DNAAF1: variants seen among roughly 807,000 people sequenced by gnomAD.
DNAAF1 encodes dynein assembly factor 1, axonemal.
Under a neutral mutation model 71.1 loss-of-function variants are expected in DNAAF1, and 65 were observed. That is an observed-to-expected ratio of 0.91 (90% CI 0.75 to 1.12). The LOEUF is 1.12. Among genes scored for constraint, DNAAF1 ranks in the 50% most tolerant of loss-of-function variants. The pLI, the probability that DNAAF1 is intolerant of heterozygous loss-of-function variation, is 0.00. For synonymous variants in DNAAF1, 414 were observed against 354.6 expected (o/e 1.17, Z -1.88); for missense variants, 1,178 against 899.8 (o/e 1.31, Z -3.96).
chr16:84,155,492 A>G, intron 4 of DNAAF1, 91 bp from the exon 5 acceptor site: 1 of 1,427,224 alleles, frequency 7.0e-7, no homozygotes, highest in Non-Finnish European at 9.8e-7. Context: ...AGCCTTCCAA[A>G]GTGCTGGGAT....
In DNAAF1 at chr16:84,150,616, CTTTTTTTTT is replaced by C. The variant is rs754336069; in HGVS notation, c.352+283_352+291del. Reference sequence around the variant, plus strand: ...TAAGGAATTTTTTTTTCTTTTCTTTCTTTTTTTTTTTTTTTTTGAGATGGTGTCTTGCTC... The same window carrying C: ...TAAGGAATTTTTTTTTCTTTTCTTTCTTTTTTTTGAGATGGTGTCTTGCTC... On this transcript the variant is annotated intron_variant, in intron 3 of 11. Transcript: ENST00000378553. Among the ~76,000 whole-genome samples the C allele has an allele frequency of 3.1e-4, 40 of 130,354 alleles. No homozygotes were observed. In the East Asian group the frequency reaches 8.2e-3, roughly 27 times the overall value. The allele number at this position is 130,354 out of a possible 152,430, so 85.5% of individuals were successfully genotyped here.
chr16:84,172,625 G>A (rs1489848770), intron 9 of DNAAF1: 11 of 1,334,634 alleles, frequency 8.2e-6, no homozygotes, highest in Non-Finnish European at 1.1e-5. Flanking sequence ...GGGGAGCCCT[G>A]ACCCAAATCG....
In DNAAF1 at chr16:84,154,729, C is replaced by T. The variant is rs780304786; in HGVS notation, c.505C>T (p.Leu169=). Reference sequence around the variant, plus strand: ...GAACTTGCTCCGTAAAATTGAGAACCTGGAACCTCTGCAGAAACTGGATGC... The same window carrying T: ...GAACTTGCTCCGTAAAATTGAGAACTTGGAACCTCTGCAGAAACTGGATGC... ...QMNLLRKIEN[L]EPLQKLDALN... The change falls in exon 4 of 12, where the codon CTG becomes TTG. Residue 169 remains leucine (L), a synonymous_variant. Transcript: ENST00000378553. 4.3e-6 allele frequency: 7 copies of T among 1,614,124 alleles called. No homozygotes were observed. The highest frequency in any genetic ancestry group is 5.9e-6 in the Non-Finnish European group (7 of 1,180,012).
chr16:84,168,720 G>C (rs2088154536), intron 7 of DNAAF1, among the ~76,000 whole-genome samples: 1 of 151,988 alleles, frequency 6.6e-6, no homozygotes, highest in Admixed American at 6.6e-5. Context: ...GTTTTGAAAT[G>C]TTAAAAATTT....
chr16:84,171,172 A>G (rs2088319963), intron 8 of DNAAF1, among the ~76,000 whole-genome samples: 1 of 152,138 alleles, frequency 6.6e-6, no homozygotes, highest in Non-Finnish European at 1.5e-5. Context: ...GAGGTGGCTC[A>G]CACATGTAAT....
At chr16:84,166,058 TTTTTTTA>T (rs2087967493) in intron 7 of DNAAF1, 109 bp downstream of exon 7, 3 of 904,208 alleles carry the variant, frequency 3.3e-6, no homozygotes, top group East Asian at 3.4e-5. Flanking sequence ...TTTTTTTTTT[TTTTTTTA>T]GACAGAGTCT....
intron 9 of DNAAF1, chr16:84,172,951 A>T (rs1814292737): frequency 9.9e-7 from 1 of 1,007,020 alleles, no homozygotes; most frequent in Non-Finnish European, 1.2e-6. Flanking sequence ...GACAGTCTCA[A>T]ATGCTTAGGC....
intron 3 of DNAAF1, among the ~76,000 whole-genome samples, chr16:84,153,485 G>A (rs1369337809): frequency 6.6e-6 from 1 of 152,164 alleles, no homozygotes; most frequent in East Asian, 1.9e-4. Flanking sequence ...GTGTTTAAGT[G>A]TATTCTATAA....
Position 84,149,076 on chromosome 16 carries a change from G to A in DNAAF1, c.194G>A (p.Ser65Asn). ...TCCTACCACAGCCAGCAGAAACAGAGTGGTGATAATGGGTCAGGTGGTCAC... is the reference window on the plus strand; with the variant it reads ...TCCTACCACAGCCAGCAGAAACAGAATGGTGATAATGGGTCAGGTGGTCAC... ...DTSYHSQQKQ[S>N]GDNGSGGHFA... The change falls in exon 2 of 12, where the codon AGT (serine) becomes AAT (asparagine). Residue 65 changes from serine to asparagine, a missense_variant. Transcript: ENST00000378553. The A allele has an allele frequency of 1.2e-6, 2 of 1,614,174 alleles. No homozygotes were observed. The highest frequency in any genetic ancestry group is 8.5e-7 in the Non-Finnish European group (1 of 1,180,048).
chr16:84,148,594 C>CTTTTTTTTTTTTTTTTTTTTTTTTT (rs2087025255), intron 1 of DNAAF1, among the ~76,000 whole-genome samples: 4 of 30,060 alleles, frequency 1.3e-4, no homozygotes, highest in African/African-American at 2.2e-4. Context: ...CTCTCTCTCT[C>CTTTTTTTTTTTTTTTTTTTTTTTTT]TCTTTTTTTT....
At chr16:84,159,387 G>GA (rs1224077016) in intron 5 of DNAAF1, among the ~76,000 whole-genome samples, 2 of 152,186 alleles carry the variant, frequency 1.3e-5, no homozygotes, top group Admixed American at 1.3e-4. Context: ...ACTGCACTCA[G>GA]AAAAAGCCTC....
intron 6 of DNAAF1, among the ~76,000 whole-genome samples, chr16:84,160,668 C>G (rs1228925562): frequency 6.6e-6 from 1 of 151,460 alleles, no homozygotes; most frequent in Non-Finnish European, 1.5e-5. Flanking sequence ...GGCGTGGTGG[C>G]TCATGTCTGT....
chr16:84,158,978 A>G, intron 5 of DNAAF1: 2 of 967,472 alleles, frequency 2.1e-6, no homozygotes, highest in Non-Finnish European at 2.5e-6. Context: ...TGATCCACCC[A>G]CCTCAGCCTC....
chr16:84,165,787 T>G lies in DNAAF1; in HGVS notation c.868T>G (p.Cys290Gly). 1 of 1,613,640 alleles carries G rather than the reference T, an allele frequency of 6.2e-7. No individual in the cohort carries two copies. The highest frequency in any genetic ancestry group is 8.5e-7 in the Non-Finnish European group (1 of 1,179,894). ...DRPVFPKDRA[C>G]AEAWARGGYA... ...GTTTCTTTGTTTTTTAAACAGAGCT[T>G]GTGCGGAGGCCTGGGCTAGGGGAGG... Residue 290 changes from cysteine (C) to glycine (G), a missense_variant, in exon 7 of 12, where the codon TGT becomes GGT. Coordinates refer to ENST00000378553, the MANE Select transcript of DNAAF1 (RefSeq NM_178452.6).
chr16:84,162,954 A>G (rs952471843), intron 6 of DNAAF1, among the ~76,000 whole-genome samples: 1 of 152,118 alleles, frequency 6.6e-6, no homozygotes, highest in African/African-American at 2.4e-5. Flanking sequence ...ATATAAATGG[A>G]GTCACTCACC....
intron 8 of DNAAF1, 72 bp from the exon 9 acceptor site, chr16:84,172,188 A>G (rs2088393686): frequency 6.9e-7 from 1 of 1,457,288 alleles, no homozygotes; most frequent in South Asian, 1.2e-5. Context: ...TTGGGAGCCC[A>G]TCTTCACCGT....
intron 5 of DNAAF1, among the ~76,000 whole-genome samples, chr16:84,157,865 G>C (rs776751999): frequency 2.9e-4 from 44 of 152,256 alleles, no homozygotes; most frequent in Non-Finnish European, 5.4e-4. Flanking sequence ...GTTCGTTTTT[G>C]TTTTGGCTGG....
Position 84,176,188 on chromosome 16 carries a change from G to A in DNAAF1, c.1954G>A (p.Asp652Asn), listed in dbSNP as rs113845425. ...AAGACCCCTGATCCAGGAGCTCAGC[G>A]ACGAGGACCCCTCTGGCCAGCTACT... The part of the protein sequence containing the change: ...SPRPLIQELS[D>N]EDPSGQLLMP... The change falls in exon 11 of 12, where the codon GAC becomes AAC. Residue 652 changes from aspartate to asparagine, a missense_variant. Physicochemically the swap from Asp to Asn is conservative, Grantham distance 23 (BLOSUM62 1). Coordinates refer to ENST00000378553, the MANE Select transcript of DNAAF1 (RefSeq NM_178452.6). The A allele has an allele frequency of 3.5e-5, 56 of 1,613,874 alleles. No homozygotes were observed. The highest frequency in any genetic ancestry group is 4.3e-5 in the Non-Finnish European group (51 of 1,180,042).
At chr16:84,168,029 A>G (rs930336722) in intron 7 of DNAAF1, among the ~76,000 whole-genome samples, 1 of 152,004 alleles carries the variant, frequency 6.6e-6, no homozygotes, top group African/African-American at 2.4e-5. Context: ...AAAAAAAAAA[A>G]ACCCCACAAA....
Sources: gnomAD v4.1 joint callset for allele counts (sites outside exome capture counted in the v4.1 genomes callset) on GRCh38, gnomAD v4.1.1 for gene constraint, MANE v1.5 for transcripts, NCBI Gene and HGNC (gene_info 2026-07-23, HGNC 2026-07-21) for gene names.